The following TRHDE variants were observed in gnomAD, a reference collection of about 807,000 sequenced individuals.
TRHDE encodes the protein thyrotropin-releasing hormone-degrading ectoenzyme.
Under a neutral mutation model 125.7 loss-of-function variants are expected in TRHDE, and 72 were observed. The ratio of observed to expected loss-of-function variants is 0.57; its 90% CI spans 0.47 to 0.70. The LOEUF is 0.70. Ranked by LOEUF, TRHDE falls within the 30% of genes least tolerant of loss-of-function variation. The probability of loss-of-function intolerance (pLI) is 0.00; values close to 1 mark genes in which losing one functional copy is unlikely to be tolerated. For missense variants in TRHDE, 1,110 were observed against 1,327.1 expected (o/e 0.84, Z 2.54); for synonymous variants, 509 against 509.1 (o/e 1.00, Z 0.00).
At chr12:72,380,452 A>G (rs1415732869) in intron 3 of TRHDE, among the ~76,000 whole-genome samples, 1 of 152,218 alleles carries the variant, frequency 6.6e-6, no homozygotes, top group Admixed American at 6.5e-5. Flanking sequence ...ATGGGCAATC[A>G]TGGAAGGCTT....
intron 2 of TRHDE, among the ~76,000 whole-genome samples, chr12:72,148,195 T>C (rs1305907798): frequency 6.6e-6 from 1 of 152,178 alleles, no homozygotes; most frequent in Non-Finnish European, 1.5e-5. Context: ...TCCTAGGAGA[T>C]AACTCTTTTA....
At chr12:72,606,165 C>T (rs1295108126) in intron 12 of TRHDE, among the ~76,000 whole-genome samples, 4 of 152,276 alleles carry the variant, frequency 2.6e-5, no homozygotes, top group Middle Eastern at 3.4e-3. Flanking sequence ...ATTTATGGGG[C>T]ACTTGTATGT....
chr12:72,284,323 AG>A (rs1879802254), intron 1 of TRHDE, among the ~76,000 whole-genome samples: 1 of 152,162 alleles, frequency 6.6e-6, no homozygotes, highest in African/African-American at 2.4e-5. Flanking sequence ...CGAAGTTAAA[AG>A]GGAGTAACTT....
At chr12:72,417,640 C>G (rs1873786947) in intron 3 of TRHDE, among the ~76,000 whole-genome samples, 1 of 151,886 alleles carries the variant, frequency 6.6e-6, no homozygotes, top group African/African-American at 2.4e-5. Flanking sequence ...TGCTCTGTGA[C>G]AGATTTTTCC....
intron 3 of TRHDE, among the ~76,000 whole-genome samples, chr12:72,396,145 C>T (rs1181519311): frequency 6.6e-6 from 1 of 152,150 alleles, no homozygotes; most frequent in African/African-American, 2.4e-5. Context: ...ATCAGGTCCC[C>T]ACTCTTCCAA....
At chr12:72,645,297 G>T (rs1874236476) in intron 15 of TRHDE, among the ~76,000 whole-genome samples, 1 of 152,080 alleles carries the variant, frequency 6.6e-6, no homozygotes, top group Non-Finnish European at 1.5e-5. Context: ...AGGTGATGAA[G>T]CTGAACAACA....
intron 3 of TRHDE, among the ~76,000 whole-genome samples, chr12:72,393,661 C>G (rs1872686073): frequency 6.6e-6 from 1 of 151,950 alleles, no homozygotes; most frequent in Non-Finnish European, 1.5e-5. Context: ...AATAAATGAT[C>G]ACAAAAAAGA....
intron 2 of TRHDE, among the ~76,000 whole-genome samples, chr12:72,150,096 A>G (rs1455763208): frequency 6.6e-6 from 1 of 152,212 alleles, no homozygotes; most frequent in Non-Finnish European, 1.5e-5. Flanking sequence ...AAGACATTGA[A>G]GACCTCAGCT....
chr12:72,369,613 A>G lies in TRHDE; in HGVS notation c.1189-8382A>G, dbSNP rs140727137. Among the ~76,000 whole-genome samples the G allele has an allele frequency of 1.1e-3, 174 of 152,300 alleles. 1 individual carries two copies. The highest frequency in any genetic ancestry group is 3.9e-3 in the African/African-American group (161 of 41,562). On this transcript the variant is annotated intron_variant, in intron 2 of 18. Transcript: ENST00000261180. ...TATAATAAATAGATAATGATAAACT[A>G]TAGCCCCCAGAAGGAACTTTGAGCT...
rs183764527 is a variant in TRHDE at position 72,643,062 on chromosome 12, A to G, written c.2676-9260A>G. Among the ~76,000 whole-genome samples the G allele has an allele frequency of 3.9e-5, 6 of 152,280 alleles. No individual in the cohort carries two copies. The East Asian group carries it at 9.7e-4, about 25-fold the overall frequency. On this transcript the variant is annotated intron_variant, in intron 15 of 18. Coordinates refer to ENST00000261180, the MANE Select transcript of TRHDE (RefSeq NM_013381.3). ...ATCCGGTGCTTACCAATCTTGTTTC[A>G]TTTATAGGCATGAGTAAAAATGATC... is the stretch of plus-strand genomic sequence containing the variant.
intron 2 of TRHDE, among the ~76,000 whole-genome samples, chr12:72,215,986 G>A (rs769143062): frequency 2.6e-5 from 4 of 152,140 alleles, no homozygotes; most frequent in South Asian, 2.1e-4. Context: ...ACAAAGCTGG[G>A]TTTACATGTC....
intron 2 of TRHDE, among the ~76,000 whole-genome samples, chr12:72,206,622 A>G (rs751019868): frequency 2.6e-5 from 4 of 152,190 alleles, no homozygotes; most frequent in African/African-American, 4.8e-5. Flanking sequence ...AACACCAGCC[A>G]TATACTTCTT....
chr12:72,271,292 A>G (rs1269244949), upstream of TRHDE, among the ~76,000 whole-genome samples: 1 of 152,164 alleles, frequency 6.6e-6, no homozygotes, highest in African/African-American at 2.4e-5. Flanking sequence ...AATTTATTTC[A>G]ATTTACATAC....
chr12:72,352,947 G>A (rs1870648595), intron 2 of TRHDE, among the ~76,000 whole-genome samples: 1 of 148,682 alleles, frequency 6.7e-6, no homozygotes, highest in African/African-American at 2.5e-5. Flanking sequence ...TACCTCTTCT[G>A]TACTTTTTTT....
intron 6 of TRHDE, among the ~76,000 whole-genome samples, chr12:72,513,258 A>G (rs546051284): frequency 6.6e-6 from 1 of 152,298 alleles, no homozygotes; most frequent in African/African-American, 2.4e-5. Context: ...TTAAAGACAT[A>G]TATAAACCTC....
intron 12 of TRHDE, 87 bp from the exon 13 acceptor site, chr12:72,618,804 T>C: frequency 9.2e-7 from 1 of 1,090,668 alleles, no homozygotes; most frequent in Non-Finnish European, 1.3e-6. Context: ...TATACTATGA[T>C]GAATTTTGCT....
intron 2 of TRHDE, among the ~76,000 whole-genome samples, chr12:72,226,829 G>A (rs1338318494): frequency 6.6e-6 from 1 of 152,252 alleles, no homozygotes; most frequent in Non-Finnish European, 1.5e-5. Context: ...ACAGATTTTT[G>A]TTACGATTCT....
chr12:72,296,303 C>T (rs1239781210), intron 2 of TRHDE, among the ~76,000 whole-genome samples: 1 of 152,136 alleles, frequency 6.6e-6, no homozygotes, highest in Admixed American at 6.5e-5. Context: ...GAAAATGTTA[C>T]AATACCAGTA....
At chr12:72,132,133 T>G (rs1356311725) in intron 2 of TRHDE, among the ~76,000 whole-genome samples, 1 of 152,164 alleles carries the variant, frequency 6.6e-6, no homozygotes, top group Non-Finnish European at 1.5e-5. Flanking sequence ...TGGAAAGGTA[T>G]CCTGTTGTAA....
Sources: gnomAD v4.1 joint callset for allele counts (sites outside exome capture counted in the v4.1 genomes callset) on GRCh38, gnomAD v4.1.1 for gene constraint, MANE v1.5 for transcripts, NCBI Gene and HGNC (gene_info 2026-07-23, HGNC 2026-07-21) for gene names.